Variants in PLXNC1 observed in about 807,000 individuals in gnomAD.
PLXNC1 encodes the protein plexin-C1.
PLXNC1 carries 75 observed loss-of-function variants against 178.2 expected under a neutral mutation model. The ratio of observed to expected loss-of-function variants is 0.42; its 90% confidence interval spans 0.35 to 0.51. The LOEUF is 0.51. Among genes scored for constraint, PLXNC1 ranks in the 20% least tolerant of loss-of-function variants. The pLI is 0.02. For synonymous variants in PLXNC1, 790 were observed against 779.9 expected, an observed-to-expected ratio of 1.01 and a Z score of -0.22; for missense variants, 1,503 against 1,984.4, an observed-to-expected ratio of 0.76 and a Z score of 4.61.
intron 23 of PLXNC1, among the ~76,000 whole-genome samples, chr12:94,289,392 T>A (rs1247573715): frequency 6.6e-6 from 1 of 152,194 alleles, no homozygotes; most frequent in Non-Finnish European, 1.5e-5. Flanking sequence ...TAGAACCCTG[T>A]GAGACTGGAA....
At position 94,307,600 on chromosome 12, in the gene PLXNC1, C is replaced by A. The variant is rs887911660; in HGVS notation, c.*2315C>A. On this transcript the variant is annotated 3_prime_UTR_variant, in exon 31 of 31. Transcript: ENST00000258526. ...TTTAAAGTCTATTTCTTATTGTATACCTGATTGAAGCTGTTCTTGGAGATG... is the reference window on the plus strand; with the variant it reads ...TTTAAAGTCTATTTCTTATTGTATAACTGATTGAAGCTGTTCTTGGAGATG... 1.3e-5 allele frequency: 2 copies of A among 151,674 alleles called. No individual in the cohort carries two copies. Among genetic ancestry groups the A allele is most frequent in the Admixed American group, 6.6e-5 (1 of 15,224 alleles). The allele number at this position is 151,674 out of a possible 1,614,324, so 9.4% of individuals were successfully genotyped here. A position where few individuals can be genotyped will look rare whatever the true frequency, so the allele number is the denominator to read the frequency against.
At chr12:94,305,062 A>C (rs183230192) in intron 30 of PLXNC1, 119 bp from the exon 31 acceptor site, 1 of 638,952 alleles carries the variant, frequency 1.6e-6, no homozygotes, top group Admixed American at 2.8e-5. Flanking sequence ...TAAATGATGG[A>C]AGAAAATGTT....
At chr12:94,227,393 T>C (rs932378817) in intron 9 of PLXNC1, 158 bp downstream of exon 9, 8 of 557,680 alleles carry the variant, frequency 1.4e-5, no homozygotes, top group Non-Finnish European at 2.3e-5. Context: ...TTTCACTTAA[T>C]TAGCGCAATA....
rs1555195605 is a variant in PLXNC1, at chr12:94,177,129, G to GTATA, written c.1204-4311_1204-4308dup. 2.1e-3 allele frequency among the ~76,000 whole-genome samples: 171 copies of GTATA among 82,888 alleles called. 1 individual carries two copies. The highest frequency in any genetic ancestry group is 7.1e-3 in the African/African-American group (158 of 22,300). The allele number at this position is 82,888 out of a possible 152,430, so 54.4% of individuals were successfully genotyped here. A position where few individuals can be genotyped will look rare whatever the true frequency, so the allele number is the denominator to read the frequency against. Reference sequence around the variant, plus strand: ...TGTGTGTGTATATATGTGTGTGTGTGTATATATATGTGTGTGTGTGTATAT... The same window carrying GTATA: ...TGTGTGTGTATATATGTGTGTGTGTGTATATATATATATGTGTGTGTGTGTATAT... On this transcript the variant is annotated intron_variant, in intron 2 of 30. Coordinates refer to ENST00000258526, the MANE Select transcript of PLXNC1 (RefSeq NM_005761.3).
Position 94,268,588 on chromosome 12 carries a change from C to CTTTTTTTTTTT in PLXNC1, c.3597+3377_3597+3387dup, listed in dbSNP as rs61265662. 4.8e-4 allele frequency among the ~76,000 whole-genome samples: 44 copies of CTTTTTTTTTTT among 90,884 alleles called. 1 individual carries two copies. The highest frequency in any genetic ancestry group is 1.6e-3 in the African/African-American group (34 of 21,734). 59.6% of individuals were successfully genotyped at this position (90,884 alleles called of 152,430 possible). The stretch of plus-strand genomic sequence containing the variant: ...TCAGACAGCTGGAAGAGAATAAGAC[C>CTTTTTTTTTTT]TTTTTTTTTTTTTTTTTTTTTTTTA... On this transcript the variant is annotated intron_variant, in intron 21 of 30. Coordinates refer to ENST00000258526, the MANE Select transcript of PLXNC1 (RefSeq NM_005761.3).
At chr12:94,295,323 T>G (rs1014305261) in intron 24 of PLXNC1, among the ~76,000 whole-genome samples, 1 of 152,198 alleles carries the variant, frequency 6.6e-6, no homozygotes, top group Non-Finnish European at 1.5e-5. Context: ...GTAGGACTCC[T>G]TTGGGGAAAC....
chr12:94,156,599 T>G (rs1389820888), intron 1 of PLXNC1, among the ~76,000 whole-genome samples: 8 of 151,488 alleles, frequency 5.3e-5, no homozygotes, highest in Admixed American at 5.3e-4. Flanking sequence ...TGCCTCAGCC[T>G]CCTGAGTAGC....
chr12:94,165,728 C>A (rs894099358), intron 1 of PLXNC1, among the ~76,000 whole-genome samples: 23 of 152,064 alleles, frequency 1.5e-4, no homozygotes, highest in African/African-American at 5.3e-4. Flanking sequence ...TGAAGGTCTG[C>A]GGCTCAGTGG....
In PLXNC1 at chr12:94,226,688, C is replaced by G. The variant is rs762710688; in HGVS notation, c.1874C>G (p.Ser625Cys). 4.3e-6 allele frequency: 7 copies of G among 1,612,444 alleles called. No individual in the cohort carries two copies. The South Asian group carries it at 6.6e-5, about 15-fold the overall frequency. Residue 625 changes from serine (S) to cysteine (C), a missense_variant, in exon 8 of 31, where the codon TCT (serine) becomes TGT (cysteine). Coordinates refer to ENST00000258526, the MANE Select transcript of PLXNC1 (RefSeq NM_005761.3). ...CIHPFTACDP[S>C]DYERNQEQCP... ...CACCCCTTCACAGCTTGCGACCCTTCTGATTATGAGAGAAACCAGGTAAAG... is the reference window on the plus strand; with the variant it reads ...CACCCCTTCACAGCTTGCGACCCTTGTGATTATGAGAGAAACCAGGTAAAG...
chr12:94,190,659 T>C (rs1592749117), intron 4 of PLXNC1, among the ~76,000 whole-genome samples: 1 of 152,312 alleles, frequency 6.6e-6, no homozygotes, highest in Non-Finnish European at 1.5e-5. Context: ...TCCCCTGGCT[T>C]TCCATCTTAG....
chr12:94,228,154 A>G (rs763559868), intron 9 of PLXNC1, among the ~76,000 whole-genome samples: 14 of 152,262 alleles, frequency 9.2e-5, no homozygotes, highest in Non-Finnish European at 4.4e-5. Flanking sequence ...AGGTGAATTA[A>G]CAACCAGGCA....
chr12:94,262,485 A>G, intron 20 of PLXNC1: 1 of 985,502 alleles, frequency 1.0e-6, no homozygotes, highest in Non-Finnish European at 1.2e-6. Flanking sequence ...GAGCCCAAAC[A>G]GCCTCCTTGA....
chr12:94,299,567 CT>C (rs34252420), intron 27 of PLXNC1, among the ~76,000 whole-genome samples: 38,176 of 151,362 alleles, frequency 0.25, 4,917 homozygotes, highest in Admixed American at 0.3. Flanking sequence ...GTTCTAGCCT[CT>C]TTTTTTTTGA....
intron 15 of PLXNC1, among the ~76,000 whole-genome samples, chr12:94,253,887 C>T (rs1964769443): frequency 6.6e-6 from 1 of 152,056 alleles, no homozygotes; most frequent in South Asian, 2.1e-4. Flanking sequence ...CTCTGTTGCC[C>T]AGGCTGATCT....
At chr12:94,252,286 C>T (rs1964718488) in intron 15 of PLXNC1, among the ~76,000 whole-genome samples, 2 of 152,128 alleles carry the variant, frequency 1.3e-5, no homozygotes, top group Non-Finnish European at 2.9e-5. Context: ...GTGGTCATGC[C>T]TGGGCACAGT....
intron 1 of PLXNC1, among the ~76,000 whole-genome samples, chr12:94,164,692 CACACACACACACACGT>C (rs1482892589): frequency 6.7e-6 from 1 of 149,648 alleles, no homozygotes; most frequent in African/African-American, 2.5e-5. Context: ...CACACACACA[CACACACACACACACGT>C]ACACACACAA....
chr12:94,229,160 T>C (rs774934940), intron 9 of PLXNC1, among the ~76,000 whole-genome samples: 6 of 152,198 alleles, frequency 3.9e-5, no homozygotes, highest in Admixed American at 2.0e-4. Flanking sequence ...TGATTAATGA[T>C]GTTGAGCATC....
chr12:94,227,587 G>T (rs73366607), intron 9 of PLXNC1: 5 of 227,796 alleles, frequency 2.2e-5, no homozygotes, highest in South Asian at 5.9e-5. Context: ...GTTTCTGGGG[G>T]TTATGTGTGT....
At chr12:94,270,524 G>A (rs1347638613) in intron 21 of PLXNC1, among the ~76,000 whole-genome samples, 1 of 152,084 alleles carries the variant, frequency 6.6e-6, no homozygotes, top group East Asian at 1.9e-4. Flanking sequence ...CACAGCAATG[G>A]AAATGCCTTG....
Sources: gnomAD v4.1 joint callset for allele counts (sites outside exome capture counted in the v4.1 genomes callset) on GRCh38, gnomAD v4.1.1 for gene constraint, MANE v1.5 for transcripts, NCBI Gene and HGNC (gene_info 2026-07-23, HGNC 2026-07-21) for gene names.